Variants in AP4E1 observed in about 807,000 individuals in gnomAD.
AP4E1 encodes the protein adaptor related protein complex 4 subunit epsilon 1.
A neutral mutation model predicts 128.2 loss-of-function variants in AP4E1; 56 were observed. The observed-to-expected ratio is 0.44, with a 90% CI of 0.35 to 0.55. AP4E1 has a LOEUF of 0.55. Ranked by LOEUF, AP4E1 falls within the 20% of genes least tolerant of loss-of-function variation. The pLI, the probability that AP4E1 is intolerant of heterozygous loss-of-function variation, is 0.00. For synonymous variants in AP4E1, 484 were observed against 473.1 expected (o/e 1.02, Z -0.30); for missense variants, 1,324 against 1,307.7 (o/e 1.01, Z -0.19).
At chr15:50,924,831 T>G (rs1385978899) in intron 4 of AP4E1, among the ~76,000 whole-genome samples, 1 of 152,192 alleles carries the variant, frequency 6.6e-6, no homozygotes, top group African/African-American at 2.4e-5. Flanking sequence ...AAGGCTGTAA[T>G]AAAGGAGACT....
rs539859061 is a variant in AP4E1, at chr15:50,971,530, T to C, written c.1966+3153T>C. ...TTCCTGCTATTATTTCATTAATTAT[T>C]TTCTTCATATCTTCCCTTCTCTTCT... is the stretch of plus-strand genomic sequence containing the variant. On this transcript the variant is annotated intron_variant, in intron 15 of 20. Transcript: ENST00000261842. 3.9e-5 allele frequency among the ~76,000 whole-genome samples: 6 copies of C among 152,286 alleles called. No homozygotes were observed. The South Asian group carries it at 1.2e-3, about 32-fold the overall frequency.
At chr15:51,000,762 T>C (rs1336170423) in intron 19 of AP4E1, among the ~76,000 whole-genome samples, 2 of 152,206 alleles carry the variant, frequency 1.3e-5, no homozygotes, top group African/African-American at 4.8e-5. Context: ...GGTAAAATCT[T>C]ACTGGAATGA....
chr15:50,912,251 T>C, intron 2 of AP4E1, 102 bp downstream of exon 2: 2 of 1,068,082 alleles, frequency 1.9e-6, no homozygotes, highest in South Asian at 2.5e-5. Context: ...AAATTTGATT[T>C]ATCATAGTCA....
chr15:50,955,571 T>A (rs1393078739), intron 13 of AP4E1, among the ~76,000 whole-genome samples: 1 of 152,218 alleles, frequency 6.6e-6, no homozygotes. Flanking sequence ...CATCTTCAGT[T>A]CTGTGGCCTA....
chr15:50,984,184 G>A (rs1218762751), intron 16 of AP4E1, 39 bp downstream of exon 16: 1 of 1,609,484 alleles, frequency 6.2e-7, no homozygotes, highest in East Asian at 2.2e-5. Context: ...TTATGGGAGT[G>A]CTTAAATGTC....
intron 17 of AP4E1, among the ~76,000 whole-genome samples, chr15:50,995,638 G>GGCC (rs2064858828): frequency 6.6e-6 from 1 of 151,812 alleles, no homozygotes; most frequent in African/African-American, 2.4e-5. Flanking sequence ...CGCCTCCCTT[G>GGCC]GCCTCCCAAA....
At chr15:50,952,373 G>A (rs1207437169) in intron 13 of AP4E1, among the ~76,000 whole-genome samples, 1 of 151,950 alleles carries the variant, frequency 6.6e-6, no homozygotes, top group African/African-American at 2.4e-5. Context: ...AGCCAGGCAT[G>A]GTGGCACGCA....
At chr15:50,978,288 A>G (rs1015293447) in intron 15 of AP4E1, among the ~76,000 whole-genome samples, 3 of 152,216 alleles carry the variant, frequency 2.0e-5, no homozygotes, top group Non-Finnish European at 4.4e-5. Flanking sequence ...ACCAGAAATA[A>G]TAAGGGGAAA....
intron 3 of AP4E1, 104 bp from the exon 4 acceptor site, chr15:50,923,827 T>C (rs917808974): frequency 1.2e-6 from 1 of 833,328 alleles, no homozygotes. Context: ...TTCTGTTTAC[T>C]TGTAACTGGT....
chr15:50,923,555 A>T, intron 3 of AP4E1, among the ~76,000 whole-genome samples: 1 of 152,238 alleles, frequency 6.6e-6, no homozygotes, highest in South Asian at 2.1e-4. Flanking sequence ...TATTATAGTG[A>T]TTAGTTTTTG....
At chr15:50,976,994 T>A (rs1305955921) in intron 15 of AP4E1, among the ~76,000 whole-genome samples, 1 of 152,228 alleles carries the variant, frequency 6.6e-6, no homozygotes, top group Non-Finnish European at 1.5e-5. Flanking sequence ...TAATGTACTA[T>A]AAAATTTAAA....
chr15:50,983,658 G>A (rs2064673794), intron 15 of AP4E1, among the ~76,000 whole-genome samples: 1 of 152,132 alleles, frequency 6.6e-6, no homozygotes, highest in Non-Finnish European at 1.5e-5. Context: ...AGCAAAACAT[G>A]GTCACCTCTT....
At chr15:50,967,657 A>G (rs1223590381) in intron 14 of AP4E1, among the ~76,000 whole-genome samples, 2 of 152,222 alleles carry the variant, frequency 1.3e-5, no homozygotes, top group African/African-American at 4.8e-5. Flanking sequence ...TCTCAATTAT[A>G]GAACCTAACA....
Position 51,002,881 on chromosome 15 carries a change from A to C in AP4E1, c.*219A>C. 1 of 543,054 alleles carries C rather than the reference A, an allele frequency of 1.8e-6. No homozygotes were observed. The highest frequency in any genetic ancestry group is 3.3e-6 in the Non-Finnish European group (1 of 305,248). 33.6% of individuals were successfully genotyped at this position (543,054 alleles called of 1,614,324 possible). On this transcript the variant is annotated 3_prime_UTR_variant, in exon 21 of 21. Coordinates refer to ENST00000261842, the MANE Select transcript of AP4E1 (RefSeq NM_007347.5). ...GTACAGTATGTTTAGGTCCCTCAAA[A>C]AGTGACCTAAGCTAATGTTATAAAC...
At chr15:50,953,759 T>C (rs956306412) in intron 13 of AP4E1, among the ~76,000 whole-genome samples, 1 of 152,112 alleles carries the variant, frequency 6.6e-6, no homozygotes, top group Non-Finnish European at 1.5e-5. Flanking sequence ...CTTGACTTAA[T>C]GAGGAAAGAA....
intron 1 of AP4E1, among the ~76,000 whole-genome samples, chr15:50,910,361 C>T (rs1055373429): frequency 1.3e-5 from 2 of 152,188 alleles, no homozygotes; most frequent in Non-Finnish European, 2.9e-5. Context: ...TTAAAAAGAG[C>T]ACGTGTTAAT....
intron 15 of AP4E1, among the ~76,000 whole-genome samples, chr15:50,983,221 A>G (rs898364306): frequency 3.3e-5 from 5 of 152,334 alleles, no homozygotes; most frequent in African/African-American, 9.6e-5. Context: ...TTGGTGTTCC[A>G]CTTTATGATC....
chr15:50,954,888 C>T (rs1211094434), intron 13 of AP4E1, among the ~76,000 whole-genome samples: 1 of 152,168 alleles, frequency 6.6e-6, no homozygotes, highest in South Asian at 2.1e-4. Context: ...TATTCCCCTT[C>T]CTGTTCCAAG....
chr15:50,948,145 A>G lies in AP4E1; in HGVS notation c.1302A>G (p.Ala434=). 4 of 1,613,962 alleles carry G rather than the reference A, an allele frequency of 2.5e-6. No individual in the cohort carries two copies. The highest frequency in any genetic ancestry group is 3.4e-6 in the Non-Finnish European group (4 of 1,179,924). The change falls in exon 11 of 21, where the codon GCA becomes GCG. Residue 434 remains alanine, a synonymous_variant. Transcript: ENST00000261842. ...TCGTCAATTTGGTCGGCAAAATAGCAGAGCTGGCTGAGAAATATCCTTTTA... is the reference window on the plus strand; with the variant it reads ...TCGTCAATTTGGTCGGCAAAATAGCGGAGCTGGCTGAGAAATATCCTTTTA... ...YVIVNLVGKI[A]ELAEKYAPDN...
Sources: allele counts gnomAD v4.1 joint callset (sites outside exome capture counted in the v4.1 genomes callset), GRCh38; gene constraint gnomAD v4.1.1; transcripts MANE v1.5; gene names NCBI Gene and HGNC (gene_info 2026-07-23, HGNC 2026-07-21).